ARL15: variants seen among roughly 807,000 people sequenced by gnomAD.
ARL15 encodes the protein ARF like GTPase 15.
Under a neutral mutation model 25.2 loss-of-function variants are expected in ARL15, and 19 were observed. The observed-to-expected ratio is 0.75, with a 90% CI of 0.53 to 1.10. The LOEUF (loss-of-function observed/expected upper bound fraction) is 1.10. Ranked by LOEUF, ARL15 falls within the 50% of genes least tolerant of loss-of-function variation. The probability of loss-of-function intolerance (pLI) is 0.00; values close to 1 mark genes in which losing one functional copy is unlikely to be tolerated. For synonymous variants in ARL15, 94 were observed against 86.8 expected (o/e 1.08, Z -0.46); for missense variants, 220 against 246.0 (o/e 0.89, Z 0.71).
chr5:53,923,426 TA>T (rs1341599850), intron 4 of ARL15, among the ~76,000 whole-genome samples: 3 of 152,166 alleles, frequency 2.0e-5, no homozygotes, highest in Non-Finnish European at 4.4e-5. Context: ...GGCTACTTGG[TA>T]AAATGATCTT....
At chr5:54,127,343 C>CA (rs1248572640) in intron 3 of ARL15, among the ~76,000 whole-genome samples, 3 of 152,096 alleles carry the variant, frequency 2.0e-5, no homozygotes, top group African/African-American at 4.8e-5. Flanking sequence ...AACCAATACG[C>CA]AAAAATCACA....
chr5:54,148,344 A>G (rs192268955), intron 3 of ARL15, among the ~76,000 whole-genome samples: 21 of 152,346 alleles, frequency 1.4e-4, no homozygotes, highest in African/African-American at 4.6e-4. Context: ...GAAACAGGAC[A>G]GAGTCAACAT....
At chr5:53,956,965 A>G (rs1747180709) in intron 4 of ARL15, among the ~76,000 whole-genome samples, 1 of 152,102 alleles carries the variant, frequency 6.6e-6, no homozygotes, top group South Asian at 2.1e-4. Flanking sequence ...CCAGCTGGAC[A>G]CCATAACAGT....
At chr5:53,953,128 C>A (rs1325510299) in intron 4 of ARL15, among the ~76,000 whole-genome samples, 1 of 152,086 alleles carries the variant, frequency 6.6e-6, no homozygotes, top group Non-Finnish European at 1.5e-5. Context: ...TGAACTAGAC[C>A]ATTACTAAAA....
At position 53,959,760 on chromosome 5, in the gene ARL15, G is replaced by C. The variant is rs115862593; in HGVS notation, c.463-73047C>G. ...CCTTCCATGCTCGTGATCATCCAAC[G>C]TTGCATTCCTCCTCCCTCCTCACTC... is the stretch of plus-strand genomic sequence containing the variant. On this transcript the variant is annotated intron_variant, in intron 4 of 4. Coordinates refer to ENST00000504924, the MANE Select transcript of ARL15 (RefSeq NM_019087.3). Among the ~76,000 whole-genome samples, 818 of 152,060 alleles carry C rather than the reference G, an allele frequency of 5.4e-3. 10 individuals carry two copies. The highest frequency in any genetic ancestry group is 0.032 in the South Asian group (153 of 4,812).
chr5:53,967,501 C>A (rs1465163920), intron 4 of ARL15, among the ~76,000 whole-genome samples: 2 of 152,114 alleles, frequency 1.3e-5, no homozygotes, highest in East Asian at 3.8e-4. Flanking sequence ...TGGGAGGAGA[C>A]AAAGGGATCA....
intron 1 of ARL15, among the ~76,000 whole-genome samples, chr5:54,259,760 C>A (rs1430068946): frequency 6.6e-6 from 1 of 152,114 alleles, no homozygotes; most frequent in African/African-American, 2.4e-5. Context: ...CAGCAGTATA[C>A]AACATTATCA....
chr5:54,163,081 C>T (rs1486707255), intron 2 of ARL15, among the ~76,000 whole-genome samples: 1 of 151,986 alleles, frequency 6.6e-6, no homozygotes, highest in Admixed American at 6.6e-5. Context: ...CTTTCTAGTC[C>T]TACTTTGTTA....
intron 4 of ARL15, among the ~76,000 whole-genome samples, chr5:54,076,566 T>C (rs771254750): frequency 2.7e-4 from 41 of 152,226 alleles, no homozygotes; most frequent in East Asian, 9.7e-4. Context: ...AAAGAACATA[T>C]ACAAACTCTT....
At chr5:54,172,016 A>T (rs1754733790) in intron 1 of ARL15, 88 bp from the exon 2 acceptor site, 1 of 1,477,122 alleles carries the variant, frequency 6.8e-7, no homozygotes, top group Admixed American at 2.0e-5. Flanking sequence ...AGTAAGTATT[A>T]AGAGGTAATT....
At chr5:54,016,523 T>A (rs1406522728) in intron 4 of ARL15, among the ~76,000 whole-genome samples, 1 of 152,216 alleles carries the variant, frequency 6.6e-6, no homozygotes, top group Non-Finnish European at 1.5e-5. Flanking sequence ...CACATTTTCA[T>A]GTTGCTTTAG....
intron 2 of ARL15, 56 bp downstream of exon 2, chr5:54,171,728 C>T: frequency 1.3e-6 from 2 of 1,547,256 alleles, no homozygotes; most frequent in Middle Eastern, 2.2e-4. Flanking sequence ...GCACAGGAAA[C>T]TAGGACATCT....
At chr5:54,196,529 C>T (rs1016035006) in intron 1 of ARL15, among the ~76,000 whole-genome samples, 1 of 151,976 alleles carries the variant, frequency 6.6e-6, no homozygotes, top group African/African-American at 2.4e-5. Flanking sequence ...ATGTAAAATA[C>T]TTAGAGTATT....
At chr5:53,922,945 G>A (rs915596513) in intron 4 of ARL15, among the ~76,000 whole-genome samples, 8 of 152,162 alleles carry the variant, frequency 5.3e-5, no homozygotes, top group Non-Finnish European at 1.0e-4. Flanking sequence ...GACATTTATT[G>A]AATAACCAGT....
intron 4 of ARL15, among the ~76,000 whole-genome samples, chr5:54,099,306 T>C (rs149344091): frequency 7.0e-4 from 107 of 152,240 alleles, no homozygotes; most frequent in African/African-American, 2.5e-3. Flanking sequence ...GGTATCAAAT[T>C]TCACAAGTGA....
intron 4 of ARL15, among the ~76,000 whole-genome samples, chr5:53,986,721 G>A (rs1050533726): frequency 6.6e-6 from 1 of 152,154 alleles, no homozygotes. Context: ...TGTAGTTTTC[G>A]TTCATTCAGT....
At chr5:54,264,216 A>C (rs1434076875) in intron 1 of ARL15, among the ~76,000 whole-genome samples, 4 of 152,060 alleles carry the variant, frequency 2.6e-5, no homozygotes, top group African/African-American at 9.7e-5. Flanking sequence ...AAAAACCCCC[A>C]TATGAATCCT....
chr5:54,305,635 C>A (rs1458823977), intron 1 of ARL15, among the ~76,000 whole-genome samples: 1 of 152,108 alleles, frequency 6.6e-6, no homozygotes, highest in Non-Finnish European at 1.5e-5. Context: ...ACACACACAC[C>A]TATGATAAAG....
chr5:54,173,195 A>AAAAG (rs1579872523), intron 1 of ARL15, among the ~76,000 whole-genome samples: 4 of 150,286 alleles, frequency 2.7e-5, no homozygotes, highest in South Asian at 2.1e-4. Flanking sequence ...GAAAAAAAAA[A>AAAAG]AAAAGAAAAG....
Sources: allele counts gnomAD v4.1 joint callset (sites outside exome capture counted in the v4.1 genomes callset), GRCh38; gene constraint gnomAD v4.1.1; transcripts MANE v1.5; gene names NCBI Gene and HGNC (gene_info 2026-07-23, HGNC 2026-07-21).